Variants in TWF1 observed in about 807,000 individuals in gnomAD.
The protein encoded by TWF1 is twinfilin-1.
Under a neutral mutation model 47.9 loss-of-function variants are expected in TWF1, and 14 were observed. That is an observed-to-expected ratio of 0.29 (90% confidence interval 0.19 to 0.46). The LOEUF (loss-of-function observed/expected upper bound fraction) is 0.46. Among genes scored for constraint, TWF1 ranks in the 20% least tolerant of loss-of-function variants. The pLI is 1.00. For synonymous variants in TWF1, 96 were observed against 139.2 expected (o/e 0.69, Z 2.18); for missense variants, 281 against 409.3 (o/e 0.69, Z 2.70).
At chr12:43,804,982 G>A (rs1417687555) in intron 1 of TWF1, among the ~76,000 whole-genome samples, 1 of 152,126 alleles carries the variant, frequency 6.6e-6, no homozygotes, top group Non-Finnish European at 1.5e-5. Flanking sequence ...TTCACTTTCT[G>A]TATTTTCCCG....
Position 43,798,978 on chromosome 12 carries a change from T to A in TWF1, c.483+420A>T, listed in dbSNP as rs79374323. Among the ~76,000 whole-genome samples the A allele has an allele frequency of 5.4e-3, 822 of 152,178 alleles. 9 individuals are homozygous for A. The highest frequency in any genetic ancestry group is 0.018 in the African/African-American group (733 of 41,558). On this transcript the variant is annotated intron_variant, in intron 5 of 8. Transcript: ENST00000395510. ...AATAATCTTCCATATATATCTCTAT[T>A]CAAGTAGAGTTCATAGAAGTTAATT...
chr12:43,800,322 A>AT, intron 4 of TWF1, 113 bp downstream of exon 4: 1 of 714,402 alleles, frequency 1.4e-6, no homozygotes, highest in Admixed American at 2.7e-5. Context: ...TATTTCTCTT[A>AT]TTCTCATGTT....
At chr12:43,802,587 TGAAAA>T in intron 2 of TWF1, 123 bp from the exon 3 acceptor site, 1 of 740,682 alleles carries the variant, frequency 1.4e-6, no homozygotes, top group Non-Finnish European at 2.2e-6. Flanking sequence ...ATCAAAAAGT[TGAAAA>T]GAAAAATGTG....
intron 5 of TWF1, among the ~76,000 whole-genome samples, chr12:43,798,166 T>A (rs1440796949): frequency 1.3e-5 from 2 of 152,138 alleles, no homozygotes; most frequent in Non-Finnish European, 2.9e-5. Flanking sequence ...ATAGAATTTA[T>A]AAACAACAAT....
In TWF1 at chr12:43,802,329, C is replaced by T; in HGVS notation, c.239G>A (p.Gly80Glu). 5 of 1,589,526 alleles carry T rather than the reference C, an allele frequency of 3.1e-6. No homozygotes were observed. Among genetic ancestry groups the T allele is most frequent in the Non-Finnish European group, 3.4e-6 (4 of 1,170,806 alleles). ...CCATGCAATGAATATCCATTCATAT[C>T]CCTGGGCATTCTGAGAATCTAACCT... is the stretch of plus-strand genomic sequence containing the variant. ...LFRLDSQNAQ[G>E]YEWIFIAWSP... Residue 80 changes from glycine (G) to glutamate (E), a missense_variant, in exon 3 of 9, where the codon GGA (glycine) becomes GAA (glutamate). Physicochemically the swap from Gly to Glu is moderately conservative, Grantham distance 98. Coordinates refer to ENST00000395510, the MANE Select transcript of TWF1 (RefSeq NM_002822.5).
chr12:43,796,105 AAG>A (rs1942545285), intron 8 of TWF1, among the ~76,000 whole-genome samples: 1 of 152,192 alleles, frequency 6.6e-6, no homozygotes, highest in African/African-American at 2.4e-5. Flanking sequence ...AGCCCTCTAC[AAG>A]AGAGGTAAAC....
At chr12:43,798,077 G>A (rs181210788) in intron 5 of TWF1, among the ~76,000 whole-genome samples, 1 of 152,026 alleles carries the variant, frequency 6.6e-6, no homozygotes, top group Non-Finnish European at 1.5e-5. Context: ...GGTTTGGGTG[G>A]GTTTGTTTTT....
chr12:43,798,665 T>A (rs761910111), intron 5 of TWF1: 92 of 1,377,174 alleles, frequency 6.7e-5, no homozygotes, highest in Non-Finnish European at 8.7e-5. Flanking sequence ...TCAAATAATA[T>A]GAATTAAAAT....
rs1250792861 is a variant in TWF1, at chr12:43,795,323, T to A, written c.*262A>T. On this transcript the variant is annotated 3_prime_UTR_variant, in exon 9 of 9. Coordinates refer to ENST00000395510, the MANE Select transcript of TWF1 (RefSeq NM_002822.5). ...CAACTGTATAAAATTTTAAGAAGTA[T>A]TTGAAGTGTGGAATCAACGCTATGA... The A allele has an allele frequency of 2.8e-6, 1 of 362,380 alleles. No individual in the cohort carries two copies. Among genetic ancestry groups the A allele is most frequent in the East Asian group, 4.9e-5 (1 of 20,260 alleles). 22.4% of individuals were successfully genotyped at this position (362,380 alleles called of 1,614,324 possible). A position where few individuals can be genotyped will look rare whatever the true frequency, so the allele number is the denominator to read the frequency against.
At chr12:43,798,511 A>G in intron 5 of TWF1, 1 of 1,451,838 alleles carries the variant, frequency 6.9e-7, no homozygotes, top group Non-Finnish European at 9.0e-7. Context: ...GAGATTCTAC[A>G]GCATAAATGA....
At chr12:43,798,654 C>G (rs931978744) in intron 5 of TWF1, 2 of 1,429,186 alleles carry the variant, frequency 1.4e-6, no homozygotes, top group Admixed American at 5.2e-5. Context: ...AAAAGCCCTA[C>G]TCAAATAATA....
intron 7 of TWF1, 69 bp from the exon 8 acceptor site, chr12:43,797,166 A>G: frequency 2.0e-6 from 3 of 1,493,534 alleles, no homozygotes; most frequent in Non-Finnish European, 2.7e-6. Context: ...CTACATATAT[A>G]AACTTCATAA....
At position 43,799,416 on chromosome 12, in the gene TWF1, T is replaced by A; in HGVS notation, c.465A>T (p.Arg155=). The A allele has an allele frequency of 1.2e-6, 2 of 1,608,126 alleles. No individual in the cohort carries two copies. The highest frequency in any genetic ancestry group is 1.7e-6 in the Non-Finnish European group (2 of 1,177,072). The stretch of plus-strand genomic sequence containing the variant: ...AACTTACCTCATTGATTTTAATCTG[T>A]CGTAGTTCTTCCTCAGCTGCAGTCA... ...APLTAAEEEL[R]QIKINEVQTD... is the part of the protein sequence containing the mutation. The change falls in exon 5 of 9, where the codon CGA becomes CGT. Residue 155 remains arginine (R), a synonymous_variant. Transcript: ENST00000395510.
At chr12:43,798,644 AAAAGCCC>A (rs1942602897) in intron 5 of TWF1, 1 of 1,446,730 alleles carries the variant, frequency 6.9e-7, no homozygotes, top group Admixed American at 2.5e-5. Context: ...AAATCACATA[AAAAGCCC>A]TACTCAAATA....
chr12:43,802,596 A>C (rs1007381960), intron 2 of TWF1, 132 bp from the exon 3 acceptor site: 1 of 676,414 alleles, frequency 1.5e-6, no homozygotes, highest in Non-Finnish European at 2.5e-6. Context: ...TTGAAAAGAA[A>C]AATGTGGTAA....
chr12:43,804,667 A>T (rs2138153194), intron 1 of TWF1, 95 bp from the exon 2 acceptor site: 1 of 786,210 alleles, frequency 1.3e-6, no homozygotes, highest in Middle Eastern at 3.7e-4. Context: ...CAAAGAAAAA[A>T]TCTGGAGCAT....
At chr12:43,799,555 G>A in intron 4 of TWF1, 53 bp from the exon 5 acceptor site, 4 of 1,068,566 alleles carry the variant, frequency 3.7e-6, no homozygotes, top group East Asian at 2.7e-5. Flanking sequence ...TAAAATGACA[G>A]TGAAGTTACT....
chr12:43,801,273 G>GA (rs1326506442), intron 3 of TWF1, among the ~76,000 whole-genome samples: 1 of 150,558 alleles, frequency 6.6e-6, no homozygotes, highest in South Asian at 2.1e-4. Flanking sequence ...CACAAAGATG[G>GA]AAAAAAAAAT....
chr12:43,796,471 A>C (rs547938823), intron 8 of TWF1, among the ~76,000 whole-genome samples: 9 of 152,278 alleles, frequency 5.9e-5, no homozygotes, highest in Admixed American at 3.9e-4. Flanking sequence ...CTTAGTTCCC[A>C]AAATTCAAAT....
Sources: allele counts gnomAD v4.1 joint callset (sites outside exome capture counted in the v4.1 genomes callset), GRCh38; gene constraint gnomAD v4.1.1; transcripts MANE v1.5; gene names NCBI Gene and HGNC (gene_info 2026-07-23, HGNC 2026-07-21).